The following VSIG1 variants were observed in gnomAD, a reference collection of about 807,000 sequenced individuals.
VSIG1 encodes V-set and immunoglobulin domain containing 1.
Under a neutral mutation model 20.1 loss-of-function variants are expected in VSIG1, and 11 were observed. That is an observed-to-expected ratio of 0.55 (90% CI 0.34 to 0.91). The LOEUF (loss-of-function observed/expected upper bound fraction) is 0.91, where lower values mean the gene tolerates loss of function less well. Ranked by LOEUF, VSIG1 falls within the 40% of genes least tolerant of loss-of-function variation. VSIG1 has a pLI of 0.02. For missense variants in VSIG1, 283 were observed against 298.8 expected, an observed-to-expected ratio of 0.95 and a Z score of 0.39; for synonymous variants, 126 against 116.7, an observed-to-expected ratio of 1.08 and a Z score of -0.52.
chrX:108,043,420 G>A (rs187114267), upstream of VSIG1, among the ~76,000 whole-genome samples: 776 of 112,187 alleles, frequency 6.9e-3, 9 homozygotes, highest in African/African-American at 0.024. Flanking sequence ...CTACCCTGGA[G>A]GGATTCACAG....
At chrX:108,072,418 A>C (rs1031924090) in intron 3 of VSIG1, among the ~76,000 whole-genome samples, 3 of 110,277 alleles carry the variant, frequency 2.7e-5, no homozygotes, top group Non-Finnish European at 5.7e-5. Context: ...ACGCCCAGCT[A>C]ATTTTTGTAT....
At chrX:108,061,809 A>C (rs1283284777) in intron 2 of VSIG1, among the ~76,000 whole-genome samples, 5 of 109,862 alleles carry the variant, frequency 4.6e-5, no homozygotes, top group African/African-American at 1.7e-4. Flanking sequence ...CTTTCCTGAA[A>C]TCATTGTGTT....
intron 1 of VSIG1, among the ~76,000 whole-genome samples, chrX:108,049,685 ATC>A (rs1223291823): frequency 3.6e-5 from 4 of 112,022 alleles, no homozygotes; most frequent in Non-Finnish European, 7.5e-5. Context: ...TATCTCTAAA[ATC>A]TCTGTTTTTA....
intron 1 of VSIG1, among the ~76,000 whole-genome samples, chrX:108,055,606 T>C (rs2030878771): frequency 1.8e-5 from 2 of 111,837 alleles, no homozygotes; most frequent in African/African-American, 6.5e-5. Flanking sequence ...AAAAGAATTA[T>C]ACACCATGAC....
chrX:108,047,859 CAT>C (rs757436731), intron 1 of VSIG1, among the ~76,000 whole-genome samples: 975 of 39,686 alleles, frequency 0.025, 80 homozygotes, highest in East Asian at 0.075. Context: ...TATATATACA[CAT>C]ATATATATAC....
At chrX:108,070,931 G>A (rs748096813) in intron 3 of VSIG1, among the ~76,000 whole-genome samples, 2 of 111,982 alleles carry the variant, frequency 1.8e-5, no homozygotes, top group Admixed American at 1.9e-4. Flanking sequence ...GAAGTCAATG[G>A]GAGAGTAACT....
chrX:108,066,584 G>A (rs914021743), intron 2 of VSIG1, among the ~76,000 whole-genome samples: 3 of 111,534 alleles, frequency 2.7e-5, no homozygotes, highest in Non-Finnish European at 3.8e-5. Context: ...AGACATTTGT[G>A]TTCTACATAA....
At chrX:108,031,116 C>T in the VSIG1 span, among the ~76,000 whole-genome samples, 1 of 111,762 alleles carries the variant, frequency 8.9e-6, no homozygotes, top group Non-Finnish European at 1.9e-5. Context: ...AATACTCCTC[C>T]GCATCCCAGT....
In VSIG1 at chrX:108,076,110, T is replaced by C. The variant is rs748720546; in HGVS notation, c.722T>C (p.Ile241Thr). Residue 241 changes from isoleucine to threonine, a missense_variant, in exon 6 of 7, where the codon ATT (isoleucine) becomes ACT (threonine). By Grantham distance (89) the Ile-to-Thr change is moderately conservative. Coordinates refer to ENST00000217957, the MANE Select transcript of VSIG1 (RefSeq NM_182607.5). ...GTTGGAATCATTGTTGGGGCCTTGA[T>C]TGGTAGCCTGGTAGGTGCCGCCATC... is the stretch of plus-strand genomic sequence containing the variant. ...PEVGIIVGAL[I>T]GSLVGAAIII... 6 of 1,209,909 alleles carry C rather than the reference T, an allele frequency of 5.0e-6. No homozygotes were observed. In the East Asian group the frequency reaches 1.8e-4, roughly 36 times the overall value.
the VSIG1 span, among the ~76,000 whole-genome samples, chrX:108,025,150 T>C: frequency 8.9e-6 from 1 of 111,903 alleles, no homozygotes; most frequent in Non-Finnish European, 1.9e-5. Context: ...GAATTTATGT[T>C]TATAATTGTT....
the VSIG1 span, among the ~76,000 whole-genome samples, chrX:108,034,521 TTTTGTTTG>T: frequency 1.7e-4 from 19 of 111,390 alleles, no homozygotes; most frequent in African/African-American, 4.2e-4. Flanking sequence ...CCAGGTGTTT[TTTTGTTTG>T]TTTGTTTGTT....
At chrX:108,027,083 A>C in the VSIG1 span, among the ~76,000 whole-genome samples, 10 of 111,682 alleles carry the variant, frequency 9.0e-5, no homozygotes, top group East Asian at 2.8e-3. Flanking sequence ...TGGGAATGTA[A>C]AATGGTGCAG....
At chrX:108,044,493 AC>A (rs750241233), upstream of VSIG1, among the ~76,000 whole-genome samples, 2 of 112,100 alleles carry the variant, frequency 1.8e-5, no homozygotes, top group South Asian at 7.5e-4. Flanking sequence ...AACCCGACAG[AC>A]AAAAGCATGT....
intron 1 of VSIG1, among the ~76,000 whole-genome samples, chrX:108,049,459 TTTGTTGCTAGGCTC>T (rs1203246896): frequency 8.9e-6 from 1 of 112,002 alleles, no homozygotes; most frequent in Non-Finnish European, 1.9e-5. Context: ...TCAATTGATA[TTTGTTGCTAGGCTC>T]CACAGCCTCT....
At chrX:108,072,544 C>A (rs757857291) in intron 3 of VSIG1, 133 bp from the exon 4 acceptor site, 1 of 668,351 alleles carries the variant, frequency 1.5e-6, no homozygotes, top group Non-Finnish European at 2.2e-6. Context: ...TGAGCCACTG[C>A]GCCTGGCCAA....
intron 3 of VSIG1, among the ~76,000 whole-genome samples, chrX:108,071,366 G>C (rs1308965619): frequency 9.0e-6 from 1 of 111,269 alleles, no homozygotes; most frequent in East Asian, 2.8e-4. Flanking sequence ...TAGATGTATA[G>C]ATATAAAATA....
the VSIG1 span, among the ~76,000 whole-genome samples, chrX:108,020,733 C>G: frequency 2.7e-5 from 3 of 111,524 alleles, no homozygotes; most frequent in Non-Finnish European, 5.6e-5. Flanking sequence ...CTAGATGGCG[C>G]CTTAATTAAG....
intron 3 of VSIG1, among the ~76,000 whole-genome samples, chrX:108,072,167 C>T (rs1223337717): frequency 9.1e-6 from 1 of 110,160 alleles, no homozygotes; most frequent in East Asian, 2.9e-4. Context: ...ATCTTAATGG[C>T]CTCTTGACTA....
chrX:108,066,054 C>A (rs1441279580), intron 2 of VSIG1, among the ~76,000 whole-genome samples: 1 of 111,458 alleles, frequency 9.0e-6, no homozygotes, highest in African/African-American at 3.3e-5. Context: ...CCCTTTCCAC[C>A]ACATCATGCT....
Sources: allele counts gnomAD v4.1 joint callset (sites outside exome capture counted in the v4.1 genomes callset), GRCh38; gene constraint gnomAD v4.1.1; transcripts MANE v1.5; gene names NCBI Gene and HGNC (gene_info 2026-07-23, HGNC 2026-07-21).